Variants in NCALD observed in about 807,000 individuals in gnomAD.
NCALD encodes neurocalcin delta.
Under a neutral mutation model 18.6 loss-of-function variants are expected in NCALD, and 10 were observed. That is an observed-to-expected ratio of 0.54 (90% CI 0.33 to 0.91). The LOEUF (loss-of-function observed/expected upper bound fraction) is 0.91, where lower values mean the gene tolerates loss of function less well. NCALD is among the 40% of genes least tolerant of loss of function. NCALD has a pLI of 0.03. For missense variants in NCALD, 184 were observed against 247.6 expected (o/e 0.74, Z 1.72); for synonymous variants, 88 against 87.4 (o/e 1.01, Z -0.04).
intron 2 of NCALD, among the ~76,000 whole-genome samples, chr8:101,987,939 G>A (rs1186643666): frequency 6.6e-6 from 1 of 152,108 alleles, no homozygotes; most frequent in Non-Finnish European, 1.5e-5. Context: ...CGGATCACGA[G>A]GTCAGGAGAT....
intron 1 of NCALD, among the ~76,000 whole-genome samples, chr8:101,771,900 A>G (rs1431377770): frequency 1.3e-5 from 2 of 152,240 alleles, no homozygotes; most frequent in African/African-American, 4.8e-5. Flanking sequence ...CATTCATTCA[A>G]TGAATAATTA....
At chr8:101,868,889 C>G (rs1008457995) in intron 4 of NCALD, among the ~76,000 whole-genome samples, 1 of 152,234 alleles carries the variant, frequency 6.6e-6, no homozygotes, top group African/African-American at 2.4e-5. Context: ...TTCATTCTTT[C>G]ATTGCTTTGC....
At chr8:102,082,476 T>A (rs1174001235) in intron 1 of NCALD, among the ~76,000 whole-genome samples, 1 of 151,926 alleles carries the variant, frequency 6.6e-6, no homozygotes, top group Non-Finnish European at 1.5e-5. Flanking sequence ...ATTGCAAAAT[T>A]TCCCAGGATC....
At chr8:101,866,658 C>T (rs1173251633) in intron 4 of NCALD, among the ~76,000 whole-genome samples, 1 of 152,154 alleles carries the variant, frequency 6.6e-6, no homozygotes, top group East Asian at 1.9e-4. Context: ...TCTCCTTACA[C>T]CCCAGCCAGA....
At chr8:102,089,469 T>C (rs1351423917) in intron 1 of NCALD, among the ~76,000 whole-genome samples, 4 of 152,072 alleles carry the variant, frequency 2.6e-5, no homozygotes, top group African/African-American at 9.7e-5. Flanking sequence ...TAGATCTTCT[T>C]CTGTCTGTAT....
chr8:102,041,177 C>A (rs1428096416), intron 1 of NCALD, among the ~76,000 whole-genome samples: 1 of 152,182 alleles, frequency 6.6e-6, no homozygotes, highest in East Asian at 1.9e-4. Context: ...TGTCTCTATT[C>A]CTCACCTTTG....
In NCALD at chr8:101,768,468, G is replaced by A. The variant is rs192179050; in HGVS notation, c.-20+22394C>T. On this transcript the variant is annotated intron_variant, in intron 1 of 3. Coordinates refer to ENST00000220931, the MANE Select transcript of NCALD (RefSeq NM_032041.3). ...TCAGGCCTGTAATCCCAGCACTTTC[G>A]GAAGTGGTGGCCGAAGGGCCACCTG... Among the ~76,000 whole-genome samples the A allele has an allele frequency of 1.1e-4, 17 of 152,288 alleles. No homozygotes were observed. The East Asian group carries it at 1.5e-3, about 14-fold the overall frequency.
chr8:101,794,587 T>C (rs1486280989), upstream of NCALD, among the ~76,000 whole-genome samples: 1 of 152,250 alleles, frequency 6.6e-6, no homozygotes, highest in East Asian at 1.9e-4. Flanking sequence ...CGGTTCTTGC[T>C]GTTGATGTTG....
chr8:101,689,697 G>A lies in NCALD; in HGVS notation c.485-291C>T, dbSNP rs1234785394. Among the ~76,000 whole-genome samples, 1 of 152,174 alleles carries A rather than the reference G, an allele frequency of 6.6e-6. No individual in the cohort carries two copies. Among genetic ancestry groups the A allele is most frequent in the African/African-American group, 2.4e-5 (1 of 41,446 alleles). On this transcript the variant is annotated intron_variant, in intron 3 of 3. Transcript: ENST00000220931. This position sits in a 1 kb window ranked among gnomAD's most constrained non-coding sequence, Gnocchi z 4.4. ...CTGGGCCCGGGACTGGGGAGAGGGT[G>A]GTGGATGATGCTGACTTGGTCCCTG...
intron 2 of NCALD, among the ~76,000 whole-genome samples, chr8:101,919,598 A>G (rs1382051856): frequency 6.6e-6 from 1 of 152,160 alleles, no homozygotes; most frequent in African/African-American, 2.4e-5. Context: ...CAGACAATCT[A>G]CAGAATGGAA....
At chr8:101,940,065 T>G (rs141696733) in intron 2 of NCALD, among the ~76,000 whole-genome samples, 2 of 152,264 alleles carry the variant, frequency 1.3e-5, no homozygotes, top group African/African-American at 4.8e-5. Flanking sequence ...TTATCATGTA[T>G]GTTCTTTTCA....
At chr8:101,941,106 A>G (rs1472126991) in intron 2 of NCALD, among the ~76,000 whole-genome samples, 1 of 152,214 alleles carries the variant, frequency 6.6e-6, no homozygotes, top group Non-Finnish European at 1.5e-5. Flanking sequence ...TCTAGGCTAT[A>G]AGACATTTTA....
intron 2 of NCALD, among the ~76,000 whole-genome samples, chr8:101,717,464 C>A (rs966805569): frequency 6.6e-6 from 1 of 151,662 alleles, no homozygotes; most frequent in Admixed American, 6.6e-5. Context: ...CGTGGAGGGA[C>A]GGGATTCAGC....
intron 4 of NCALD, among the ~76,000 whole-genome samples, chr8:101,824,439 C>T (rs926710352): frequency 2.6e-5 from 4 of 152,088 alleles, no homozygotes; most frequent in Non-Finnish European, 2.9e-5. Flanking sequence ...AACTGTAGAT[C>T]TATCCTCATT....
intron 1 of NCALD, among the ~76,000 whole-genome samples, chr8:101,751,456 T>C (rs1029068175): frequency 6.6e-6 from 1 of 152,162 alleles, no homozygotes; most frequent in Non-Finnish European, 1.5e-5. Context: ...CATTTGAATA[T>C]ACTTAATGCC....
chr8:101,749,325 C>A (rs1487519694), intron 1 of NCALD, among the ~76,000 whole-genome samples: 1 of 152,168 alleles, frequency 6.6e-6, no homozygotes, highest in Non-Finnish European at 1.5e-5. Flanking sequence ...TCCAAAGAAG[C>A]AAAAACTAAT....
intron 1 of NCALD, among the ~76,000 whole-genome samples, chr8:101,768,260 G>A (rs1309882871): frequency 6.6e-6 from 1 of 152,214 alleles, no homozygotes; most frequent in Non-Finnish European, 1.5e-5. Context: ...ATTTCCCTCA[G>A]ACAGAGCAGA....
chr8:101,874,150 A>T (rs1816131263), intron 4 of NCALD, among the ~76,000 whole-genome samples: 1 of 152,218 alleles, frequency 6.6e-6, no homozygotes, highest in South Asian at 2.1e-4. Context: ...TAGGAGATAA[A>T]ATCAGAGAGG....
At position 101,988,902 on chromosome 8, in the gene NCALD, GAAAAAA is replaced by G. The variant is rs35196499; in HGVS notation, c.-157+31329_-157+31334del. 9.2e-3 allele frequency among the ~76,000 whole-genome samples: 608 copies of G among 66,068 alleles called. 2 individuals carry two copies. The highest frequency in any genetic ancestry group is 0.036 in the African/African-American group (589 of 16,536). The allele number at this position is 66,068 out of a possible 152,430, so 43.3% of individuals were successfully genotyped here. ...ATGAGCTAGACAGCAGGTGCCAGCAGAAAAAAAAAAAAAAAAAAAAAACAGAGAAGC... is the reference window on the plus strand; with the variant it reads ...ATGAGCTAGACAGCAGGTGCCAGCAGAAAAAAAAAAAAAAAACAGAGAAGC... On this transcript the variant is annotated intron_variant, in intron 2 of 6. Transcript: ENST00000311028.
Sources: allele counts gnomAD v4.1 joint callset (sites outside exome capture counted in the v4.1 genomes callset), GRCh38; gene constraint gnomAD v4.1.1; non-coding constraint Gnocchi (gnomAD v3.1); transcripts MANE v1.5; gene names NCBI Gene and HGNC (gene_info 2026-07-23, HGNC 2026-07-21).